Variants in AGBL4 observed in about 807,000 individuals in gnomAD.
The protein encoded by AGBL4 is cytosolic carboxypeptidase 6.
AGBL4 carries 58 observed loss-of-function variants against 66.4 expected under a neutral mutation model. The observed-to-expected ratio is 0.87, with a 90% CI of 0.71 to 1.09. The LOEUF is 1.09. AGBL4 is among the 50% of genes least tolerant of loss of function. The pLI is 0.00. For synonymous variants in AGBL4, 234 were observed against 222.9 expected (o/e 1.05, Z -0.44); for missense variants, 579 against 631.0 (o/e 0.92, Z 0.88).
chr1:48,619,531 A>AG (rs1645374336), intron 9 of AGBL4, among the ~76,000 whole-genome samples: 1 of 152,180 alleles, frequency 6.6e-6, no homozygotes, highest in African/African-American at 2.4e-5. Flanking sequence ...TCCGCTCTGC[A>AG]GGGTCCTGAA....
Position 48,711,570 on chromosome 1 carries a change from T to C in AGBL4, c.635-48329A>G, listed in dbSNP as rs116646769. 6.6e-3 allele frequency among the ~76,000 whole-genome samples: 1,004 copies of C among 152,240 alleles called. 15 individuals carry two copies. The highest frequency in any genetic ancestry group is 0.023 in the African/African-American group (953 of 41,546). The stretch of plus-strand genomic sequence containing the variant: ...GGCCCAAAGAGCACACGGATGGGCT[T>C]ATCCCAGCAATTGCTGCTCACCCCC... On this transcript the variant is annotated intron_variant, in intron 6 of 13. Transcript: ENST00000371839.
intron 3 of AGBL4, among the ~76,000 whole-genome samples, chr1:49,558,861 A>G (rs373237860): frequency 6.6e-6 from 1 of 152,172 alleles, no homozygotes; most frequent in South Asian, 2.1e-4. Flanking sequence ...TCCTTTGGAA[A>G]AAGGAGAAAA....
intron 7 of AGBL4, among the ~76,000 whole-genome samples, chr1:48,656,744 G>A (rs543616104): frequency 1.2e-4 from 18 of 152,276 alleles, no homozygotes; most frequent in African/African-American, 4.3e-4. Flanking sequence ...AATACTGCAT[G>A]TTCTCACTTA....
At chr1:49,294,165 G>C (rs1644596614) in intron 3 of AGBL4, among the ~76,000 whole-genome samples, 1 of 152,164 alleles carries the variant, frequency 6.6e-6, no homozygotes, top group African/African-American at 2.4e-5. Context: ...TAAAGGGTCT[G>C]AGTTTTTGTT....
chr1:49,937,807 A>C (rs1654252836), intron 1 of AGBL4, among the ~76,000 whole-genome samples: 2 of 152,206 alleles, frequency 1.3e-5, no homozygotes, highest in Admixed American at 6.5e-5. Context: ...ACAAAGACAC[A>C]ACATACCAGA....
At chr1:49,163,041 T>C (rs536362635) in intron 4 of AGBL4, among the ~76,000 whole-genome samples, 2 of 152,300 alleles carry the variant, frequency 1.3e-5, no homozygotes, top group South Asian at 4.1e-4. Flanking sequence ...TATAGATATA[T>C]TTTATCATGT....
chr1:49,537,880 A>G (rs530037672), intron 3 of AGBL4, among the ~76,000 whole-genome samples: 1 of 152,046 alleles, frequency 6.6e-6, no homozygotes, highest in African/African-American at 2.4e-5. Context: ...TGAGCCAAGA[A>G]AGCGCCACTG....
chr1:49,849,680 A>G (rs6693846), intron 2 of AGBL4, among the ~76,000 whole-genome samples: 104,245 of 151,816 alleles, frequency 0.69, 36,563 homozygotes, highest in African/African-American at 0.79. Flanking sequence ...ACAACCAATT[A>G]TTCATAAATT....
rs150504586 is a variant in AGBL4 at position 49,887,080 on chromosome 1, G to C, written c.35-35562C>G. 3.9e-4 allele frequency among the ~76,000 whole-genome samples: 59 copies of C among 151,582 alleles called. No individual in the cohort carries two copies. In the South Asian group the frequency reaches 4.2e-3, roughly 11 times the overall value. Reference sequence around the variant, plus strand: ...AATAAGACTTAGGATATCCTTCAAGGAGTATAGGCAAGGAAGGTGGAGTAA... The same window carrying C: ...AATAAGACTTAGGATATCCTTCAAGCAGTATAGGCAAGGAAGGTGGAGTAA... On this transcript the variant is annotated intron_variant, in intron 1 of 13. Transcript: ENST00000371839.
chr1:48,708,219 G>T (rs191231787), intron 6 of AGBL4, among the ~76,000 whole-genome samples: 3 of 152,324 alleles, frequency 2.0e-5, no homozygotes, highest in African/African-American at 7.2e-5. Flanking sequence ...CAGGCTCAAA[G>T]AGTTGCCCTC....
intron 3 of AGBL4, among the ~76,000 whole-genome samples, chr1:49,606,472 T>C (rs1177653321): frequency 6.6e-6 from 1 of 152,138 alleles, no homozygotes; most frequent in East Asian, 1.9e-4. Flanking sequence ...ATTTACAGGA[T>C]CCTATTTACG....
At chr1:49,784,278 A>G (rs556306463) in intron 2 of AGBL4, among the ~76,000 whole-genome samples, 1 of 152,310 alleles carries the variant, frequency 6.6e-6, no homozygotes, top group African/African-American at 2.4e-5. Context: ...ACATAAGAAT[A>G]GACATCTATA....
At chr1:49,587,386 C>A (rs935428786) in intron 3 of AGBL4, among the ~76,000 whole-genome samples, 2 of 152,006 alleles carry the variant, frequency 1.3e-5, no homozygotes, top group Non-Finnish European at 2.9e-5. Context: ...TCCAGGGGCC[C>A]CTCCTCTGTG....
At chr1:49,375,088 T>G (rs1644444894) in intron 3 of AGBL4, among the ~76,000 whole-genome samples, 1 of 152,160 alleles carries the variant, frequency 6.6e-6, no homozygotes, top group Non-Finnish European at 1.5e-5. Context: ...CCTCTGGACC[T>G]TTGCATAGGC....
intron 9 of AGBL4, among the ~76,000 whole-genome samples, chr1:48,612,380 G>T (rs1437716437): frequency 2.0e-5 from 3 of 152,222 alleles, no homozygotes; most frequent in African/African-American, 7.2e-5. Context: ...AGCACAAGGG[G>T]TTGGAAAGTT....
At chr1:49,747,113 C>A (rs1426442983) in intron 2 of AGBL4, among the ~76,000 whole-genome samples, 6 of 152,042 alleles carry the variant, frequency 3.9e-5, no homozygotes, top group African/African-American at 1.4e-4. Context: ...TTATGCACAC[C>A]CTTGACAGAA....
chr1:49,937,584 T>G (rs1170813450), intron 1 of AGBL4, among the ~76,000 whole-genome samples: 4 of 152,150 alleles, frequency 2.6e-5, no homozygotes, highest in Non-Finnish European at 5.9e-5. Context: ...GACCACATAG[T>G]TGGAAGTAAA....
intron 3 of AGBL4, among the ~76,000 whole-genome samples, chr1:49,682,097 G>T (rs1027921236): frequency 1.1e-4 from 17 of 152,114 alleles, no homozygotes; most frequent in Non-Finnish European, 2.4e-4. Flanking sequence ...TAAGAGTCAA[G>T]ATTACTTTCC....
intron 5 of AGBL4, among the ~76,000 whole-genome samples, chr1:48,893,193 G>A (rs1651143860): frequency 6.6e-6 from 1 of 152,118 alleles, no homozygotes; most frequent in African/African-American, 2.4e-5. Context: ...CATGACAGAG[G>A]AGCTGGAGGT....
Sources: gnomAD v4.1 joint callset for allele counts (sites outside exome capture counted in the v4.1 genomes callset) on GRCh38, gnomAD v4.1.1 for gene constraint, MANE v1.5 for transcripts, NCBI Gene and HGNC (gene_info 2026-07-23, HGNC 2026-07-21) for gene names.